CYRIB: variants seen among roughly 807,000 people sequenced by gnomAD.
The protein encoded by CYRIB is CYFIP-related Rac1 interactor B.
Under a neutral mutation model 44.2 loss-of-function variants are expected in CYRIB, and 8 were observed. That is an observed-to-expected ratio of 0.18 (90% CI 0.11 to 0.33). The LOEUF (loss-of-function observed/expected upper bound fraction) is 0.33, where lower values mean the gene tolerates loss of function less well. CYRIB is among the 10% of genes least tolerant of loss of function. The pLI is 1.00. For missense variants in CYRIB, 185 were observed against 382.8 expected (o/e 0.48, Z 4.31); for synonymous variants, 131 against 127.2 (o/e 1.03, Z -0.20).
At chr8:129,844,177 C>T (rs2038385240) in intron 11 of CYRIB, 1 of 152,194 alleles carries the variant, frequency 6.6e-6, no homozygotes, top group East Asian at 1.9e-4. Flanking sequence ...AGTAAAATTT[C>T]TACTGCAGAG....
chr8:129,895,537 T>C (rs1281618114), intron 2 of CYRIB, among the ~76,000 whole-genome samples: 1 of 152,048 alleles, frequency 6.6e-6, no homozygotes, highest in African/African-American at 2.4e-5. Flanking sequence ...AAAATTCTGA[T>C]GGGATTTTGA....
At chr8:129,977,843 T>C (rs999585450) in intron 1 of CYRIB, among the ~76,000 whole-genome samples, 2 of 152,214 alleles carry the variant, frequency 1.3e-5, no homozygotes, top group Admixed American at 1.3e-4. Flanking sequence ...GTCCTCACTC[T>C]TTCAATGAGA....
At chr8:129,917,011 T>C (rs1191202061) in intron 1 of CYRIB, among the ~76,000 whole-genome samples, 1 of 152,220 alleles carries the variant, frequency 6.6e-6, no homozygotes, top group Non-Finnish European at 1.5e-5. Flanking sequence ...CTTACAGCAC[T>C]GTTGCAAGCA....
At chr8:129,859,862 C>T (rs1394193645) in intron 5 of CYRIB, among the ~76,000 whole-genome samples, 1 of 152,202 alleles carries the variant, frequency 6.6e-6, no homozygotes, top group East Asian at 1.9e-4. Context: ...ACTGGAACAA[C>T]TCGTGTCCTC....
intron 1 of CYRIB, among the ~76,000 whole-genome samples, chr8:129,923,058 G>A (rs2084761430): frequency 1.5e-5 from 2 of 137,172 alleles, no homozygotes; most frequent in South Asian, 4.6e-4. Context: ...GGGAAACCCC[G>A]TCTCTACTAA....
At chr8:129,876,139 G>T (rs1256554405) in intron 3 of CYRIB, among the ~76,000 whole-genome samples, 1 of 151,572 alleles carries the variant, frequency 6.6e-6, no homozygotes, top group African/African-American at 2.4e-5. Flanking sequence ...GGTCTTCCAT[G>T]ATGATTCTCA....
At chr8:129,962,989 C>A (rs905634978) in intron 2 of CYRIB, among the ~76,000 whole-genome samples, 1 of 152,174 alleles carries the variant, frequency 6.6e-6, no homozygotes, top group African/African-American at 2.4e-5. Flanking sequence ...CCAATCAGAG[C>A]GTCGCATTTG....
chr8:129,978,477 G>C (rs16904184), intron 1 of CYRIB, among the ~76,000 whole-genome samples: 2 of 151,932 alleles, frequency 1.3e-5, no homozygotes, highest in Non-Finnish European at 2.9e-5. Context: ...CTCAAGCCTC[G>C]CGCTGTGGGC....
intron 3 of CYRIB, among the ~76,000 whole-genome samples, chr8:129,873,341 A>G (rs2058032226): frequency 6.6e-6 from 1 of 152,012 alleles, no homozygotes; most frequent in South Asian, 2.1e-4. Context: ...TTTCTTATAG[A>G]TCAAGCTTTG....
At chr8:130,014,938 G>A (rs560731248) in intron 1 of CYRIB, among the ~76,000 whole-genome samples, 1 of 152,350 alleles carries the variant, frequency 6.6e-6, no homozygotes, top group South Asian at 2.1e-4. Flanking sequence ...CGTCAGCCCT[G>A]GCTCAGTCTT....
upstream of CYRIB, among the ~76,000 whole-genome samples, chr8:129,944,179 C>A (rs1233317152): frequency 3.3e-5 from 5 of 152,056 alleles, no homozygotes; most frequent in Admixed American, 3.3e-4. Flanking sequence ...CCACAGGGTC[C>A]AATATGGACT....
At chr8:129,972,510 G>A (rs943063141) in intron 1 of CYRIB, among the ~76,000 whole-genome samples, 8 of 152,108 alleles carry the variant, frequency 5.3e-5, no homozygotes, top group South Asian at 2.1e-4. Flanking sequence ...CCAGGAGGTC[G>A]AGGCTGCAGT....
chr8:129,843,806 A>G (rs761330833), intron 11 of CYRIB: 4 of 152,250 alleles, frequency 2.6e-5, no homozygotes, highest in Non-Finnish European at 5.9e-5. Context: ...AAACCGAAGA[A>G]TGCTTATTAA....
At chr8:129,977,977 T>C (rs1301533285) in intron 1 of CYRIB, among the ~76,000 whole-genome samples, 2 of 152,172 alleles carry the variant, frequency 1.3e-5, no homozygotes, top group East Asian at 3.8e-4. Flanking sequence ...GGCACCACCA[T>C]ATCTCACTGT....
At chr8:129,845,397 A>C (rs2039314136) in intron 11 of CYRIB, among the ~76,000 whole-genome samples, 1 of 152,240 alleles carries the variant, frequency 6.6e-6, no homozygotes, top group Non-Finnish European at 1.5e-5. Flanking sequence ...GGAAAGACTC[A>C]TGATATCATT....
At chr8:129,903,878 A>G (rs1034829873) in intron 1 of CYRIB, among the ~76,000 whole-genome samples, 1 of 152,204 alleles carries the variant, frequency 6.6e-6, no homozygotes, top group African/African-American at 2.4e-5. Flanking sequence ...CAAGTGAACC[A>G]CAAAGCCCTC....
At chr8:129,851,133 T>A (rs1724664280) in intron 8 of CYRIB, 2 of 512,236 alleles carry the variant, frequency 3.9e-6, no homozygotes, top group Non-Finnish European at 6.9e-6. Flanking sequence ...GAAAGGCACC[T>A]GCATTCCAGC....
intron 6 of CYRIB, among the ~76,000 whole-genome samples, chr8:129,855,208 T>C (rs759592263): frequency 7.9e-5 from 12 of 152,046 alleles, no homozygotes; most frequent in Admixed American, 3.3e-4. Flanking sequence ...CTGGCCAACA[T>C]GGTGAAACCC....
intron 2 of CYRIB, among the ~76,000 whole-genome samples, chr8:129,886,045 T>C (rs1476693750): frequency 1.3e-5 from 2 of 152,212 alleles, no homozygotes; most frequent in Non-Finnish European, 2.9e-5. Context: ...CTACTTCTCC[T>C]GCCTGCTTTT....
Sources: allele counts gnomAD v4.1 joint callset (sites outside exome capture counted in the v4.1 genomes callset), GRCh38; gene constraint gnomAD v4.1.1; transcripts MANE v1.5; gene names NCBI Gene and HGNC (gene_info 2026-07-23, HGNC 2026-07-21).